Variants in SMG1 observed in about 807,000 individuals in gnomAD.
SMG1 encodes the protein serine/threonine-protein kinase SMG1.
SMG1 carries 22 observed loss-of-function variants against 419.9 expected under a neutral mutation model. The ratio of observed to expected loss-of-function variants is 0.05; its 90% confidence interval spans 0.04 to 0.07. SMG1 has a LOEUF of 0.07. Among genes scored for constraint, SMG1 ranks in the 10% least tolerant of loss-of-function variants. The pLI is 1.00. For synonymous variants in SMG1, 1,538 were observed against 1,553.5 expected, an observed-to-expected ratio of 0.99 and a Z score of 0.23; for missense variants, 3,185 against 4,342.0, an observed-to-expected ratio of 0.73 and a Z score of 7.49.
chr16:18,904,056 G>C (rs569978635), intron 1 of SMG1, among the ~76,000 whole-genome samples: 2 of 147,860 alleles, frequency 1.4e-5, no homozygotes, highest in East Asian at 4.1e-4. Context: ...TCCTGCCTCA[G>C]CCTCCCGAGT....
At chr16:18,874,903 C>A (rs866739497) in intron 13 of SMG1, among the ~76,000 whole-genome samples, 1 of 94,582 alleles carries the variant, frequency 1.1e-5, no homozygotes. Context: ...AAAAAAAAGC[C>A]TTTTTTTTTT....
Position 18,864,080 on chromosome 16 carries a change from T to C in SMG1, c.3415A>G (p.Ile1139Val), listed in dbSNP as rs746979049. The C allele has an allele frequency of 9.0e-6, 14 of 1,549,676 alleles. No individual in the cohort carries two copies. The South Asian group carries it at 1.2e-4, about 13-fold the overall frequency. Residue 1139 changes from isoleucine (I) to valine (V), a missense_variant, in exon 24 of 63, where the codon ATC becomes GTC. Transcript: ENST00000446231. The part of the protein sequence containing the change: ...LCAMTGVDCC[I>V]SSFDKSVLTL... ...AGCACCGATTTGTCAAAGCTGGAGATGCAGCAATCAACACCTGTCATGGCA... is the reference window on the plus strand; with the variant it reads ...AGCACCGATTTGTCAAAGCTGGAGACGCAGCAATCAACACCTGTCATGGCA...
Position 18,838,166 on chromosome 16 carries a change from G to A in SMG1, c.7261C>T (p.Pro2421Ser). ...LTLLEAFVYD[P>S]LVDWTAGGEA... Reference sequence around the variant, plus strand: ...CCTCCTGCTGTCCAGTCCACCAGAGGGTCGTACACAAAGGCCTCCAGCAGC... The same window carrying A: ...CCTCCTGCTGTCCAGTCCACCAGAGAGTCGTACACAAAGGCCTCCAGCAGC... Residue 2421 changes from proline (P) to serine (S), a missense_variant, in exon 45 of 63, where the codon CCT (proline) becomes TCT (serine). Around this residue, in one of 27 missense-constraint regions of SMG1, gnomAD observed 60 missense variants for 133.9 expected, o/e 0.45. Coordinates refer to ENST00000446231, the MANE Select transcript of SMG1 (RefSeq NM_015092.5). 2 of 1,613,440 alleles carry A rather than the reference G, an allele frequency of 1.2e-6. No homozygotes were observed. The highest frequency in any genetic ancestry group is 1.7e-6 in the Non-Finnish European group (2 of 1,179,632).
intron 1 of SMG1, among the ~76,000 whole-genome samples, chr16:18,899,683 C>A (rs917493586): frequency 6.6e-6 from 1 of 151,920 alleles, no homozygotes; most frequent in South Asian, 2.1e-4. Context: ...ATCAAAGCCA[C>A]AAAATAGAAA....
At chr16:18,868,919 G>C (rs1328429777) in intron 20 of SMG1, among the ~76,000 whole-genome samples, 185 bp downstream of exon 20, 1 of 151,108 alleles carries the variant, frequency 6.6e-6, no homozygotes, top group Non-Finnish European at 1.5e-5. Context: ...CTAAGTTTTG[G>C]GGAAAAAAAA....
chr16:18,922,618 C>T (rs1011938345), intron 1 of SMG1, among the ~76,000 whole-genome samples: 3 of 152,158 alleles, frequency 2.0e-5, no homozygotes, highest in Non-Finnish European at 2.9e-5. Context: ...GCATGCACCA[C>T]CATATCCCGC....
rs1257399272 is a variant in SMG1, at chr16:18,853,630, A to G, written c.4721T>C (p.Val1574Ala). 1.9e-6 allele frequency: 3 copies of G among 1,610,096 alleles called. No individual in the cohort carries two copies. The African/African-American group carries it at 4.0e-5, about 21-fold the overall frequency. The change falls in exon 31 of 63, where the codon GTT becomes GCT. Residue 1574 changes from valine to alanine, a missense_variant. Val to Ala is a moderately conservative substitution (Grantham distance 64, BLOSUM62 0). This residue lies in a region of SMG1 where 493 missense variants were observed against 552.9 expected (regional missense o/e 0.89). Transcript: ENST00000446231. Reference sequence around the variant, plus strand: ...AGGATACTCTTCTTCCATCGTATTAACAGATGGCAGTTCTATTAGAGTGAG... The same window carrying G: ...AGGATACTCTTCTTCCATCGTATTAGCAGATGGCAGTTCTATTAGAGTGAG... Reference protein sequence around the residue: ...NILTLIELPSVNTMEEEYPRI... With the variant: ...NILTLIELPSANTMEEEYPRI...
intron 1 of SMG1, among the ~76,000 whole-genome samples, chr16:18,905,256 G>A (rs2037515278): frequency 6.6e-6 from 1 of 152,104 alleles, no homozygotes; most frequent in Admixed American, 6.6e-5. Flanking sequence ...GTGAGACTCT[G>A]ACTCAAAACA....
At chr16:18,881,257 G>C (rs548974318) in intron 10 of SMG1, among the ~76,000 whole-genome samples, 1 of 151,746 alleles carries the variant, frequency 6.6e-6, no homozygotes, top group African/African-American at 2.4e-5. Context: ...TGAAGTAATG[G>C]CTTTTTATTT....
chr16:18,908,386 ACATAGCCCATTCC>A (rs1253753094), intron 1 of SMG1, among the ~76,000 whole-genome samples: 1 of 150,906 alleles, frequency 6.6e-6, no homozygotes, highest in Non-Finnish European at 1.5e-5. Flanking sequence ...AAAAGGCCAA[ACATAGCCCATTCC>A]AACGAAGATT....
chr16:18,849,726 C>G (rs1017064551), intron 35 of SMG1, among the ~76,000 whole-genome samples: 2 of 152,244 alleles, frequency 1.3e-5, no homozygotes, highest in South Asian at 4.1e-4. Flanking sequence ...CTCTCCAAAA[C>G]TCATTTTGTA....
chr16:18,818,112 G>C (rs1807266772), intron 56 of SMG1, among the ~76,000 whole-genome samples: 1 of 151,780 alleles, frequency 6.6e-6, no homozygotes, highest in Non-Finnish European at 1.5e-5. Context: ...GCCAGGTGTG[G>C]TGGCTCACAC....
At chr16:18,812,967 G>T (rs904562764) in intron 60 of SMG1, among the ~76,000 whole-genome samples, 1 of 152,008 alleles carries the variant, frequency 6.6e-6, no homozygotes, top group African/African-American at 2.4e-5. Context: ...ATGGTTTCCA[G>T]CTTCATCCAT....
chr16:18,812,103 T>C lies in SMG1; in HGVS notation c.10646A>G (p.Lys3549Arg), dbSNP rs758050829. The C allele has an allele frequency of 6.2e-7, 1 of 1,613,370 alleles. No homozygotes were observed. ...AAAVRSNTGQ[K>R]TQPDVMSQNA... ...CTGTGACATGACATCAGGCTGAGTC[T>C]TCTGGCCAGTGTTACTCCGGACTGC... is the stretch of plus-strand genomic sequence containing the variant. Residue 3549 changes from lysine to arginine, a missense_variant, in exon 61 of 63, where the codon AAG becomes AGG. Transcript: ENST00000446231.
At chr16:18,877,267 C>G in intron 11 of SMG1, 35 bp from the exon 12 acceptor site, 2 of 1,449,270 alleles carry the variant, frequency 1.4e-6, no homozygotes, top group East Asian at 2.5e-5. Context: ...ATGAGCTTCT[C>G]CAATTACAAA....
intron 1 of SMG1, among the ~76,000 whole-genome samples, chr16:18,898,580 G>A (rs2037226577): frequency 6.6e-6 from 1 of 152,146 alleles, no homozygotes; most frequent in Non-Finnish European, 1.5e-5. Context: ...ATTACTTTCT[G>A]AAAGGAGATT....
chr16:18,851,270 T>C (rs2141387277), intron 33 of SMG1, among the ~76,000 whole-genome samples: 1 of 152,340 alleles, frequency 6.6e-6, no homozygotes, highest in Non-Finnish European at 1.5e-5. Flanking sequence ...TGCAACTAAA[T>C]AATATATTGC....
chr16:18,887,273 C>T (rs1373015482), intron 6 of SMG1, among the ~76,000 whole-genome samples: 1 of 152,124 alleles, frequency 6.6e-6, no homozygotes, highest in Non-Finnish European at 1.5e-5. Context: ...GAGCTGGTGG[C>T]ATTCTGTTTA....
intron 5 of SMG1, 144 bp from the exon 6 acceptor site, chr16:18,889,729 C>T: frequency 3.1e-6 from 2 of 646,252 alleles, no homozygotes; most frequent in Non-Finnish European, 2.8e-6. Flanking sequence ...GAAATTTTCT[C>T]CACTCTAAAT....
Sources: allele counts gnomAD v4.1 joint callset (sites outside exome capture counted in the v4.1 genomes callset), GRCh38; gene constraint gnomAD v4.1.1; regional missense constraint gnomAD v4.1.1; transcripts MANE v1.5; gene names NCBI Gene and HGNC (gene_info 2026-07-23, HGNC 2026-07-21).